Variants in MYRIP observed in about 807,000 individuals in gnomAD.
MYRIP encodes the protein rab effector MyRIP.
Under a neutral mutation model 98.0 loss-of-function variants are expected in MYRIP, and 49 were observed. The ratio of observed to expected loss-of-function variants is 0.50; its 90% CI spans 0.40 to 0.63. MYRIP has a LOEUF of 0.63. MYRIP is among the 30% of genes least tolerant of loss of function. The probability of loss-of-function intolerance (pLI) is 0.00; values close to 1 mark genes in which losing one functional copy is unlikely to be tolerated. For missense variants in MYRIP, 1,004 were observed against 1,058.2 expected (o/e 0.95, Z 0.71); for synonymous variants, 404 against 409.5 (o/e 0.99, Z 0.16).
chr3:40,255,149 G>A (rs1250043314), intron 16 of MYRIP, among the ~76,000 whole-genome samples: 3 of 152,236 alleles, frequency 2.0e-5, no homozygotes, highest in African/African-American at 4.8e-5. Context: ...TTCACAGAGC[G>A]GAAAAAGATG....
chr3:40,223,612 A>G (rs1021472458), intron 11 of MYRIP, among the ~76,000 whole-genome samples: 3 of 152,232 alleles, frequency 2.0e-5, no homozygotes, highest in Non-Finnish European at 2.9e-5. Context: ...CCTGGTTTGC[A>G]GGCCCAGCAA....
At chr3:40,104,451 C>T (rs767899877) in intron 3 of MYRIP, among the ~76,000 whole-genome samples, 3 of 152,182 alleles carry the variant, frequency 2.0e-5, no homozygotes, top group African/African-American at 7.2e-5. Context: ...TAATCGGTGT[C>T]TACTTGCAAT....
intron 1 of MYRIP, among the ~76,000 whole-genome samples, chr3:39,897,997 C>T (rs1234478844): frequency 6.6e-6 from 1 of 152,102 alleles, no homozygotes; most frequent in Non-Finnish European, 1.5e-5. Flanking sequence ...GCCATTAACA[C>T]CTTTAATGAG....
At chr3:40,236,695 GCTGTAGTCAC>G (rs1952834597) in intron 12 of MYRIP, among the ~76,000 whole-genome samples, 1 of 152,240 alleles carries the variant, frequency 6.6e-6, no homozygotes, top group African/African-American at 2.4e-5. Context: ...TAACACTCAA[GCTGTAGTCAC>G]CATCATCAGT....
chr3:40,250,503 T>C lies in MYRIP; in HGVS notation c.2428+4T>C. ...CTGCCTGCTCCACCGGTGAAAGGTA[T>C]GCTAAATTAAAACCACAAAGCTACC... On this transcript the variant is annotated splice_donor_region_variant and intron_variant, in intron 15 of 16. Coordinates refer to ENST00000302541, the MANE Select transcript of MYRIP (RefSeq NM_015460.4). 6.2e-7 allele frequency: 1 copy of C among 1,614,198 alleles called. No individual in the cohort carries two copies. Among genetic ancestry groups the C allele is most frequent in the Non-Finnish European group, 8.5e-7 (1 of 1,180,014 alleles).
upstream of MYRIP, among the ~76,000 whole-genome samples, chr3:39,809,142 T>C (rs1437032060): frequency 6.6e-6 from 1 of 152,094 alleles, no homozygotes; most frequent in Non-Finnish European, 1.5e-5. Flanking sequence ...CCACACCATG[T>C]CTTAGATTCA....
intron 15 of MYRIP, among the ~76,000 whole-genome samples, chr3:40,251,656 T>A (rs1953380537): frequency 6.6e-6 from 1 of 152,222 alleles, no homozygotes. Flanking sequence ...CTGGGTTATC[T>A]CTGAGCTATC....
At chr3:40,085,242 T>C (rs1283695762) in intron 3 of MYRIP, among the ~76,000 whole-genome samples, 2 of 151,644 alleles carry the variant, frequency 1.3e-5, no homozygotes, top group African/African-American at 2.4e-5. Flanking sequence ...ACAGATAATA[T>C]GTGTCTATGT....
chr3:40,154,202 C>T (rs575621107), intron 4 of MYRIP, among the ~76,000 whole-genome samples: 1 of 152,234 alleles, frequency 6.6e-6, no homozygotes, highest in African/African-American at 2.4e-5. Flanking sequence ...TCACCCATCA[C>T]ATACACACCT....
intron 3 of MYRIP, among the ~76,000 whole-genome samples, chr3:40,095,795 C>G (rs1007348420): frequency 6.6e-6 from 1 of 151,830 alleles, no homozygotes; most frequent in African/African-American, 2.4e-5. Context: ...TGCTGTCACA[C>G]ACATCTTTCC....
chr3:39,980,152 A>C (rs1464086967), intron 2 of MYRIP, among the ~76,000 whole-genome samples: 1 of 111,676 alleles, frequency 9.0e-6, no homozygotes, highest in Non-Finnish European at 1.7e-5. Flanking sequence ...ACTTATTGTA[A>C]GAATGCTCTC....
chr3:40,022,719 A>C (rs1947024781), intron 2 of MYRIP, among the ~76,000 whole-genome samples: 1 of 152,170 alleles, frequency 6.6e-6, no homozygotes, highest in Non-Finnish European at 1.5e-5. Context: ...CAGAATGGGT[A>C]GGATTTAATG....
Position 40,179,744 on chromosome 3 carries a change from A to G in MYRIP, c.874-2476A>G, listed in dbSNP as rs146351755. 6.3e-3 allele frequency among the ~76,000 whole-genome samples: 959 copies of G among 152,290 alleles called. 7 individuals carry two copies. The highest frequency in any genetic ancestry group is 0.015 in the South Asian group (71 of 4,830). ...CAAACAAAAGGCCATCCCTGCCCTC[A>G]TGGAGTTCATTGTGTGTGGAAGACA... is the stretch of plus-strand genomic sequence containing the variant. On this transcript the variant is annotated intron_variant, in intron 8 of 16. Coordinates refer to ENST00000302541, the MANE Select transcript of MYRIP (RefSeq NM_015460.4).
chr3:40,211,212 T>C lies in MYRIP; in HGVS notation c.1905+1119T>C, dbSNP rs943752539. On this transcript the variant is annotated intron_variant, in intron 11 of 16. Coordinates refer to ENST00000302541, the MANE Select transcript of MYRIP (RefSeq NM_015460.4). ...TTACAATGAGCCAGAGATTCTATTT[T>C]ATCTTCAGAGTGATGATTCTGTTAG... is the stretch of plus-strand genomic sequence containing the variant. Among the ~76,000 whole-genome samples, 7 of 152,320 alleles carry C rather than the reference T, an allele frequency of 4.6e-5. No homozygotes were observed. The East Asian group carries it at 7.7e-4, about 17-fold the overall frequency.
chr3:40,197,758 A>G (rs71331110), intron 10 of MYRIP, among the ~76,000 whole-genome samples: 1 of 152,184 alleles, frequency 6.6e-6, no homozygotes, highest in African/African-American at 2.4e-5. Context: ...TGTTAGTAAA[A>G]TTCACATGAT....
intron 11 of MYRIP, among the ~76,000 whole-genome samples, chr3:40,224,533 G>A (rs944157011): frequency 2.0e-5 from 3 of 151,952 alleles, no homozygotes; most frequent in Admixed American, 1.3e-4. Context: ...CCATTTCCCC[G>A]CTTAGTTTCC....
intron 11 of MYRIP, among the ~76,000 whole-genome samples, chr3:40,214,276 G>T (rs964508304): frequency 6.6e-6 from 1 of 152,158 alleles, no homozygotes; most frequent in Non-Finnish European, 1.5e-5. Context: ...TCACACAGAG[G>T]GGGAGCTCAG....
chr3:39,984,448 T>C (rs1391106715), intron 2 of MYRIP, among the ~76,000 whole-genome samples: 1 of 151,826 alleles, frequency 6.6e-6, no homozygotes, highest in Non-Finnish European at 1.5e-5. Flanking sequence ...CATTGTTCAA[T>C]TCCCACCTAT....
At chr3:39,937,208 C>T (rs563030587) in intron 2 of MYRIP, among the ~76,000 whole-genome samples, 48 of 152,302 alleles carry the variant, frequency 3.2e-4, no homozygotes, top group Middle Eastern at 3.4e-3. Context: ...GTTATAATCT[C>T]CCTACTAGGG....
Sources: gnomAD v4.1 joint callset for allele counts (sites outside exome capture counted in the v4.1 genomes callset) on GRCh38, gnomAD v4.1.1 for gene constraint, MANE v1.5 for transcripts, NCBI Gene and HGNC (gene_info 2026-07-23, HGNC 2026-07-21) for gene names.